WWOX: variants seen among roughly 807,000 people sequenced by gnomAD.
WWOX encodes WW domain containing oxidoreductase, also known as WW domain-containing oxidoreductase.
In WWOX, 69 loss-of-function variants were observed where a neutral mutation model predicts 46.2. The ratio of observed to expected loss-of-function variants is 1.49; its 90% CI spans 1.23 to 1.82. The LOEUF is 1.82. Ranked by LOEUF, WWOX falls within the 40% of genes most tolerant of loss-of-function variation. The probability of loss-of-function intolerance (pLI) is 0.00; values close to 1 mark genes in which losing one functional copy is unlikely to be tolerated. For missense variants in WWOX, 919 were observed against 542.6 expected (o/e 1.69, Z -6.89); for synonymous variants, 359 against 202.6 (o/e 1.77, Z -6.56).
At chr16:78,973,942 C>T (rs868483609) in intron 8 of WWOX, among the ~76,000 whole-genome samples, 6 of 152,230 alleles carry the variant, frequency 3.9e-5, no homozygotes, top group African/African-American at 1.4e-4. Context: ...TTTAATTTAA[C>T]ATTACCTATC....
chr16:78,216,314 GA>G (rs1402345220), intron 5 of WWOX, among the ~76,000 whole-genome samples: 1 of 152,200 alleles, frequency 6.6e-6, no homozygotes, highest in African/African-American at 2.4e-5. Context: ...TTGCAGGTTA[GA>G]AAACCAGTGG....
intron 8 of WWOX, among the ~76,000 whole-genome samples, chr16:78,613,842 C>G (rs1434500714): frequency 6.6e-6 from 1 of 152,200 alleles, no homozygotes; most frequent in Non-Finnish European, 1.5e-5. Context: ...AGAGAATACA[C>G]TGCGTATTCT....
chr16:79,020,532 G>C (rs969103169), intron 8 of WWOX, among the ~76,000 whole-genome samples: 1 of 152,194 alleles, frequency 6.6e-6, no homozygotes, highest in South Asian at 2.1e-4. Context: ...TGAAAAGACA[G>C]GCTAGCACAT....
At chr16:78,457,780 G>C (rs1370378507) in intron 8 of WWOX, among the ~76,000 whole-genome samples, 1 of 151,934 alleles carries the variant, frequency 6.6e-6, no homozygotes, top group Non-Finnish European at 1.5e-5. Flanking sequence ...GCTGGGCGTG[G>C]TGGCGGGCGC....
chr16:78,333,271 A>G (rs1323556991), intron 5 of WWOX, among the ~76,000 whole-genome samples: 9 of 151,262 alleles, frequency 5.9e-5, no homozygotes, highest in Admixed American at 1.3e-4. Context: ...GCTTGTCTCA[A>G]CCCCTGAGCT....
At chr16:78,984,529 C>G (rs1267651257) in intron 8 of WWOX, among the ~76,000 whole-genome samples, 1 of 152,140 alleles carries the variant, frequency 6.6e-6, no homozygotes, top group African/African-American at 2.4e-5. Context: ...GGCAGCAGGC[C>G]AGAATTAGCC....
chr16:78,261,712 A>T (rs1027722916), intron 5 of WWOX, among the ~76,000 whole-genome samples: 3 of 147,970 alleles, frequency 2.0e-5, no homozygotes, highest in African/African-American at 7.5e-5. Flanking sequence ...TTTCTAAAAC[A>T]TGTTGTATGT....
chr16:78,920,050 G>T (rs543097482), intron 8 of WWOX, among the ~76,000 whole-genome samples: 7 of 152,244 alleles, frequency 4.6e-5, no homozygotes, highest in African/African-American at 1.4e-4. Flanking sequence ...TAGGTTTGCC[G>T]CAGTAACAAA....
chr16:78,917,906 G>C (rs1334753994), intron 8 of WWOX, among the ~76,000 whole-genome samples: 1 of 152,152 alleles, frequency 6.6e-6, no homozygotes, highest in African/African-American at 2.4e-5. Context: ...AAAAGTTTAA[G>C]AAATTGTCAT....
At chr16:78,602,984 A>G (rs541590900) in intron 8 of WWOX, among the ~76,000 whole-genome samples, 1 of 152,366 alleles carries the variant, frequency 6.6e-6, no homozygotes, top group South Asian at 2.1e-4. Context: ...CTGCGTTCTT[A>G]GATTCAACAA....
chr16:78,725,896 C>A (rs1057247742), intron 8 of WWOX, among the ~76,000 whole-genome samples: 1 of 152,060 alleles, frequency 6.6e-6, no homozygotes, highest in Non-Finnish European at 1.5e-5. Flanking sequence ...TTGGGTCTCT[C>A]TGTCTCTACT....
chr16:78,474,650 T>TCA (rs138119993), intron 8 of WWOX, among the ~76,000 whole-genome samples: 5,649 of 152,290 alleles, frequency 0.037, 222 homozygotes, highest in African/African-American at 0.091. Flanking sequence ...CTCAGTCTAT[T>TCA]CAGAGTTGTG....
Position 78,999,869 on chromosome 16 carries a change from T to C in WWOX, c.1057-211739T>C, listed in dbSNP as rs144092661. 6.4e-3 allele frequency among the ~76,000 whole-genome samples: 970 copies of C among 152,156 alleles called. 7 individuals carry two copies. The highest frequency in any genetic ancestry group is 0.022 in the African/African-American group (923 of 41,494). On this transcript the variant is annotated intron_variant, in intron 8 of 8. Transcript: ENST00000566780. ...TACCCTTGAAATACATAAAACTTTA[T>C]AAAAAATTAAAAAGAGTTACTGTAA... is the stretch of plus-strand genomic sequence containing the variant.
intron 5 of WWOX, among the ~76,000 whole-genome samples, chr16:78,253,287 A>G (rs1265316717): frequency 1.3e-5 from 2 of 152,212 alleles, no homozygotes; most frequent in African/African-American, 2.4e-5. Flanking sequence ...GTAATTTATT[A>G]ATAATAGTAA....
At chr16:78,977,434 A>G (rs1323733860) in intron 8 of WWOX, among the ~76,000 whole-genome samples, 1 of 152,162 alleles carries the variant, frequency 6.6e-6, no homozygotes, top group Non-Finnish European at 1.5e-5. Flanking sequence ...CCCACAAGCA[A>G]AGCACACACC....
At position 78,148,423 on chromosome 16, in the gene WWOX, T is replaced by G. The variant is rs186190002; in HGVS notation, c.410-15760T>G. 2.0e-5 allele frequency among the ~76,000 whole-genome samples: 3 copies of G among 152,220 alleles called. No individual in the cohort carries two copies. In the South Asian group the frequency reaches 6.2e-4, roughly 32 times the overall value. On this transcript the variant is annotated intron_variant, in intron 4 of 8. Transcript: ENST00000566780. ...GAATTATGGAGCAATTGTTACTTTC[T>G]TGTATTAAGAAGAAAGGGAGCAAAA...
chr16:79,162,163 T>C (rs2050498950), intron 8 of WWOX, among the ~76,000 whole-genome samples: 1 of 152,240 alleles, frequency 6.6e-6, no homozygotes, highest in Admixed American at 6.5e-5. Flanking sequence ...CACAAGTGTT[T>C]TCTTGGCCCA....
intron 5 of WWOX, among the ~76,000 whole-genome samples, chr16:78,283,834 C>T (rs779232812): frequency 4.6e-5 from 7 of 152,206 alleles, no homozygotes; most frequent in African/African-American, 9.7e-5. Context: ...CTCTAAGCTT[C>T]ACTTTATTGG....
chr16:78,862,113 C>T (rs973038305), intron 8 of WWOX, among the ~76,000 whole-genome samples: 11 of 150,202 alleles, frequency 7.3e-5, no homozygotes, highest in African/African-American at 2.4e-4. Flanking sequence ...TATACACACA[C>T]CTATGGGTGT....
Sources: gnomAD v4.1 joint callset for allele counts (sites outside exome capture counted in the v4.1 genomes callset) on GRCh38, gnomAD v4.1.1 for gene constraint, MANE v1.5 for transcripts, NCBI Gene and HGNC (gene_info 2026-07-23, HGNC 2026-07-21) for gene names.